Variants in TACR1 observed in about 807,000 individuals in gnomAD.
TACR1 encodes tachykinin receptor 1.
A neutral mutation model predicts 35.8 loss-of-function variants in TACR1; 25 were observed. The observed-to-expected ratio is 0.70, with a 90% CI of 0.51 to 0.98. The LOEUF (loss-of-function observed/expected upper bound fraction) is 0.98, where lower values mean the gene tolerates loss of function less well. TACR1 is among the 50% of genes least tolerant of loss of function. TACR1 has a pLI of 0.00. For synonymous variants in TACR1, 195 were observed against 206.7 expected (o/e 0.94, Z 0.48); for missense variants, 478 against 522.9 (o/e 0.91, Z 0.84).
chr2:75,169,111 A>G (rs1250447682), intron 1 of TACR1, among the ~76,000 whole-genome samples: 1 of 152,144 alleles, frequency 6.6e-6, no homozygotes, highest in East Asian at 1.9e-4. Context: ...ACTTTCTGAA[A>G]AGTATTATTG....
intron 1 of TACR1, among the ~76,000 whole-genome samples, chr2:75,128,247 C>A (rs1674113028): frequency 6.6e-6 from 1 of 152,196 alleles, no homozygotes; most frequent in Admixed American, 6.5e-5. Context: ...GGGACAGATA[C>A]AATTCTGGAG....
intron 1 of TACR1, among the ~76,000 whole-genome samples, chr2:75,175,962 T>TCAGAAATC (rs1036151310): frequency 2.2e-5 from 3 of 136,528 alleles, no homozygotes; most frequent in African/African-American, 8.2e-5. Context: ...AATCCTCATT[T>TCAGAAATC]CAGAAATCAC....
chr2:75,189,125 A>G (rs1264642481), intron 1 of TACR1: 1 of 152,266 alleles, frequency 6.6e-6, no homozygotes, highest in Non-Finnish European at 1.5e-5. Flanking sequence ...GATTCCGTCT[A>G]TGCAAATCAG....
Position 75,053,719 on chromosome 2 carries a change from G to A in TACR1, c.621C>T (p.Leu207=), listed in dbSNP as rs1573456910. ...HICVTVLIYF[L]PLLVIGYAYT... ...ATGCATAGCCAATCACCAGCAGGGGGAGGAAGTAGATCAGCACAGTCACAC... is the reference window on the plus strand; with the variant it reads ...ATGCATAGCCAATCACCAGCAGGGGAAGGAAGTAGATCAGCACAGTCACAC... Residue 207 remains leucine (L), a synonymous_variant, in exon 3 of 5, where the codon CTC becomes CTT. Coordinates refer to ENST00000305249, the MANE Select transcript of TACR1 (RefSeq NM_001058.4). 1 of 1,614,216 alleles carries A rather than the reference G, an allele frequency of 6.2e-7. No homozygotes were observed. The highest frequency in any genetic ancestry group is 1.3e-5 in the African/African-American group (1 of 75,070).
chr2:75,070,215 ATGTATGTG>A (rs1161288244), intron 2 of TACR1, among the ~76,000 whole-genome samples: 1 of 92,926 alleles, frequency 1.1e-5, no homozygotes, highest in African/African-American at 6.5e-5. Context: ...CCAACATTGT[ATGTATGTG>A]TGTGTGTGTA....
intron 1 of TACR1, among the ~76,000 whole-genome samples, chr2:75,191,096 A>G (rs1463319092): frequency 1.3e-5 from 2 of 152,160 alleles, no homozygotes; most frequent in African/African-American, 4.8e-5. Context: ...AGAGAGCTTC[A>G]TATTTCCCCT....
intron 1 of TACR1, among the ~76,000 whole-genome samples, chr2:75,167,758 A>C (rs1362366114): frequency 6.6e-6 from 1 of 152,218 alleles, no homozygotes; most frequent in Non-Finnish European, 1.5e-5. Context: ...TCTCAGAAAA[A>C]TTAAGAAAAA....
At chr2:75,057,715 G>A (rs80066395) in intron 2 of TACR1, among the ~76,000 whole-genome samples, 2 of 152,098 alleles carry the variant, frequency 1.3e-5, no homozygotes, top group African/African-American at 4.8e-5. Context: ...TACAGAATCT[G>A]TTTGAGATAA....
At chr2:75,074,738 C>T (rs1182481504) in intron 2 of TACR1, among the ~76,000 whole-genome samples, 1 of 151,992 alleles carries the variant, frequency 6.6e-6, no homozygotes, top group Non-Finnish European at 1.5e-5. Context: ...TATAGGCTGC[C>T]TTCTGCCATG....
Position 75,049,475 on chromosome 2 carries a change from G to A in TACR1, c.1181C>T (p.Thr394Ile). The A allele has an allele frequency of 6.2e-7, 1 of 1,614,200 alleles. No individual in the cohort carries two copies. Among genetic ancestry groups the A allele is most frequent in the Non-Finnish European group, 8.5e-7 (1 of 1,180,040 alleles). ...SNCSSRSDSK[T>I]MTESFSFSSN... The stretch of plus-strand genomic sequence containing the variant: ...GGAGAAGCTGAAGCTCTCTGTCATG[G>A]TCTTGGAGTCACTTCGTGAAGAGCA... The change falls in exon 5 of 5, where the codon ACC (threonine) becomes ATC (isoleucine). Residue 394 changes from threonine to isoleucine, a missense_variant. Physicochemically the swap from Thr to Ile is moderately conservative, Grantham distance 89. Transcript: ENST00000305249.
At chr2:75,158,810 CTG>C (rs1674929774) in intron 1 of TACR1, among the ~76,000 whole-genome samples, 1 of 152,136 alleles carries the variant, frequency 6.6e-6, no homozygotes, top group Non-Finnish European at 1.5e-5. Flanking sequence ...GGTGATTTAG[CTG>C]GAGTTGGGCC....
At chr2:75,179,828 T>C (rs746543857) in intron 1 of TACR1, among the ~76,000 whole-genome samples, 1 of 152,204 alleles carries the variant, frequency 6.6e-6, no homozygotes, top group Non-Finnish European at 1.5e-5. Flanking sequence ...GGACAGAAAT[T>C]GTGCCTACAC....
chr2:75,148,889 A>AT (rs1270943278), intron 1 of TACR1, among the ~76,000 whole-genome samples: 3 of 152,132 alleles, frequency 2.0e-5, no homozygotes, highest in East Asian at 3.9e-4. Flanking sequence ...ATCTTGAGTT[A>AT]TTTTTTGTAT....
At chr2:75,082,070 C>T (rs1673098197) in intron 2 of TACR1, among the ~76,000 whole-genome samples, 1 of 152,026 alleles carries the variant, frequency 6.6e-6, no homozygotes, top group Non-Finnish European at 1.5e-5. Context: ...TCCCTCCCCA[C>T]TCCCCGCACC....
intron 1 of TACR1, among the ~76,000 whole-genome samples, chr2:75,146,032 G>C (rs2103956289): frequency 6.6e-6 from 1 of 152,258 alleles, no homozygotes; most frequent in South Asian, 2.1e-4. Context: ...ACATTCACAA[G>C]GAATGCCAGG....
At chr2:75,091,267 G>A (rs72918523) in intron 2 of TACR1, among the ~76,000 whole-genome samples, 2,639 of 148,734 alleles carry the variant, frequency 0.018, 75 homozygotes, top group African/African-American at 0.06. Context: ...CATAACTCAT[G>A]GTGAACTCGG....
chr2:75,148,735 A>G (rs923734300), intron 1 of TACR1, among the ~76,000 whole-genome samples: 6 of 151,916 alleles, frequency 3.9e-5, no homozygotes, highest in African/African-American at 1.5e-4. Flanking sequence ...ATTAGATCCC[A>G]TTTGTCAATT....
chr2:75,146,285 G>A (rs1674510230), intron 1 of TACR1, among the ~76,000 whole-genome samples: 1 of 152,064 alleles, frequency 6.6e-6, no homozygotes, highest in Non-Finnish European at 1.5e-5. Context: ...ACTATGCCTG[G>A]CTAATTTTTG....
intron 2 of TACR1, among the ~76,000 whole-genome samples, chr2:75,093,536 C>G (rs977645390): frequency 1.3e-5 from 2 of 152,110 alleles, no homozygotes; most frequent in Admixed American, 6.5e-5. Context: ...AGGACAAAGG[C>G]TTTAACATCT....
Sources: allele counts gnomAD v4.1 joint callset (sites outside exome capture counted in the v4.1 genomes callset), GRCh38; gene constraint gnomAD v4.1.1; transcripts MANE v1.5; gene names NCBI Gene and HGNC (gene_info 2026-07-23, HGNC 2026-07-21).